ZNF44: variants seen among roughly 807,000 people sequenced by gnomAD.
ZNF44 encodes the protein zinc finger protein 44, also known as gonadotropin inducible transcription repressor-2.
ZNF44 carries 9 observed loss-of-function variants against 11.7 expected under a neutral mutation model. That is an observed-to-expected ratio of 0.77 (90% CI 0.46 to 1.35). The LOEUF is 1.35. Ranked by LOEUF, ZNF44 falls within the 40% of genes most tolerant of loss-of-function variation. The pLI is 0.00. For missense variants in ZNF44, 696 were observed against 743.1 expected, an observed-to-expected ratio of 0.94 and a Z score of 0.74; for synonymous variants, 224 against 242.7, an observed-to-expected ratio of 0.92 and a Z score of 0.72.
chr19:12,254,675 C>T (rs1917166140), intron 5 of ZNF44, among the ~76,000 whole-genome samples: 1 of 151,248 alleles, frequency 6.6e-6, no homozygotes, highest in South Asian at 2.1e-4. Context: ...GTGGAGGTTG[C>T]AGTGAGCCGC....
chr19:12,260,628 C>A lies in ZNF44; in HGVS notation c.1913-10260G>T, dbSNP rs541378756. The stretch of plus-strand genomic sequence containing the variant: ...AAAAACAAAAACAAAAACAAAAAAA[C>A]AAAACAAAAACACAGGTAGGTCCTT... On this transcript the variant is annotated intron_variant and NMD_transcript_variant, in intron 5 of 7. Coordinates refer to the ZNF44 transcript ENST00000393337. 426 of 618,020 alleles carry A rather than the reference C, an allele frequency of 6.9e-4. 1 individual carries two copies. Among genetic ancestry groups the A allele is most frequent in the Non-Finnish European group, 1.0e-3 (360 of 344,538 alleles). The allele number at this position is 618,020 out of a possible 1,614,324, so 38.3% of individuals were successfully genotyped here.
intron 1 of ZNF44, among the ~76,000 whole-genome samples, chr19:12,283,330 A>T (rs764797867): frequency 7.9e-5 from 12 of 151,836 alleles, no homozygotes; most frequent in East Asian, 1.9e-4. Flanking sequence ...AATTACAGAA[A>T]TTTTTTTTTC....
At chr19:12,244,924 T>C (rs1030767624), downstream of ZNF44, among the ~76,000 whole-genome samples, 4 of 152,228 alleles carry the variant, frequency 2.6e-5, no homozygotes, top group African/African-American at 9.6e-5. Flanking sequence ...CACCCTCTTA[T>C]GGATAACCCT....
chr19:12,239,810 T>C (rs997199996), upstream of ZNF44, among the ~76,000 whole-genome samples: 2 of 151,858 alleles, frequency 1.3e-5, no homozygotes, highest in African/African-American at 4.8e-5. Context: ...CCTGACCTCG[T>C]GCTCCACCCG....
chr19:12,275,594 C>G (rs183742138), intron 2 of ZNF44, among the ~76,000 whole-genome samples: 1,603 of 151,966 alleles, frequency 0.011, 21 homozygotes, highest in South Asian at 0.023. Context: ...TGTAGTGAGC[C>G]AAGATGGAGC....
chr19:12,290,723 T>TAAAA (rs772416250), intron 1 of ZNF44, among the ~76,000 whole-genome samples: 1 of 145,438 alleles, frequency 6.9e-6, no homozygotes, highest in South Asian at 2.2e-4. Flanking sequence ...AATAAATAAA[T>TAAAA]AAAAATAAAA....
rs764588639 is a variant in ZNF44, at chr19:12,272,576, T to C, written c.1679A>G (p.Tyr560Cys). ...GGCTTTACCACAGTGTTTACATTCA[T>C]AGGGTCTTTCTCCAGTGTGAGTCCT... ...HERTHTGERP[Y>C]ECKHCGKAFS... The change falls in exon 4 of 4, where the codon TAT (tyrosine) becomes TGT (cysteine). Residue 560 changes from tyrosine (Y) to cysteine (C), a missense_variant. By Grantham distance (194) the Tyr-to-Cys change is radical. Transcript: ENST00000355684. 2 of 1,613,482 alleles carry C rather than the reference T, an allele frequency of 1.2e-6. No homozygotes were observed. Among genetic ancestry groups the C allele is most frequent in the Non-Finnish European group, 1.7e-6 (2 of 1,179,782 alleles).
chr19:12,231,846 G>A (rs1312406928), intron 2 of ZNF44, among the ~76,000 whole-genome samples: 1 of 152,214 alleles, frequency 6.6e-6, no homozygotes, highest in African/African-American at 2.4e-5. Flanking sequence ...GAAGGGGTGG[G>A]TTGCCCCTCC....
At chr19:12,283,752 C>A (rs1017036332) in intron 1 of ZNF44, among the ~76,000 whole-genome samples, 1 of 152,186 alleles carries the variant, frequency 6.6e-6, no homozygotes, top group Non-Finnish European at 1.5e-5. Context: ...TAGTGACTCA[C>A]ATCTATAATC....
chr19:12,261,585 C>T (rs1568434723), intron 5 of ZNF44, among the ~76,000 whole-genome samples: 1 of 152,146 alleles, frequency 6.6e-6, no homozygotes, highest in Non-Finnish European at 1.5e-5. Context: ...GCTATGATTG[C>T]ACTACTGCAC....
At chr19:12,257,373 G>T (rs577403121) in intron 5 of ZNF44, among the ~76,000 whole-genome samples, 2 of 152,242 alleles carry the variant, frequency 1.3e-5, no homozygotes, top group Non-Finnish European at 2.9e-5. Flanking sequence ...AATTAGGCTG[G>T]GTGCGGTGGC....
intron 2 of ZNF44, among the ~76,000 whole-genome samples, chr19:12,231,744 C>T (rs1916172654): frequency 6.6e-6 from 1 of 152,184 alleles, no homozygotes; most frequent in African/African-American, 2.4e-5. Context: ...AAACGCTGAT[C>T]TCAGATAGTA....
At chr19:12,283,098 G>C (rs1417609398) in intron 1 of ZNF44, among the ~76,000 whole-genome samples, 1 of 152,058 alleles carries the variant, frequency 6.6e-6, no homozygotes, top group Non-Finnish European at 1.5e-5. Context: ...CCTCAAATTT[G>C]GCTTACAATA....
intron 5 of ZNF44, among the ~76,000 whole-genome samples, chr19:12,258,459 T>C (rs931637067): frequency 5.9e-5 from 9 of 151,780 alleles, no homozygotes; most frequent in African/African-American, 2.2e-4. Context: ...CATTGAGTCA[T>C]ATTAACTAAT....
downstream of ZNF44, among the ~76,000 whole-genome samples, chr19:12,271,586 C>T (rs1250294158): frequency 2.0e-5 from 3 of 152,140 alleles, no homozygotes; most frequent in Admixed American, 1.3e-4. Flanking sequence ...TCATAACCAT[C>T]GTAATACTTG....
intron 1 of ZNF44, among the ~76,000 whole-genome samples, chr19:12,292,864 T>G (rs374836117): frequency 1.6e-5 from 2 of 122,420 alleles, no homozygotes; most frequent in African/African-American, 3.7e-5. Flanking sequence ...GGTTTTTTTT[T>G]TTTTTTTTTT....
intron 2 of ZNF44, among the ~76,000 whole-genome samples, chr19:12,232,253 GT>G (rs1467910785): frequency 3.3e-5 from 5 of 152,214 alleles, no homozygotes; most frequent in Non-Finnish European, 7.4e-5. Context: ...GTACAATCGG[GT>G]TTTATACCGA....
Position 12,275,050 on chromosome 19 carries a change from G to A in ZNF44, c.131-17C>T. ...ATTTCATTCCTAAAAGAGAGATCCA[G>A]AAAATTCACTATAAATTATTACAAA... On this transcript the variant is annotated splice_polypyrimidine_tract_variant and intron_variant, in intron 2 of 3. Coordinates refer to ENST00000355684, the MANE Select transcript of ZNF44 (RefSeq NM_016264.4). 6.4e-7 allele frequency: 1 copy of A among 1,551,900 alleles called. No individual in the cohort carries two copies. The highest frequency in any genetic ancestry group is 8.7e-7 in the Non-Finnish European group (1 of 1,148,146).
At chr19:12,236,308 T>C (rs1916387017) in intron 1 of ZNF44, among the ~76,000 whole-genome samples, 1 of 152,068 alleles carries the variant, frequency 6.6e-6, no homozygotes, top group African/African-American at 2.4e-5. Context: ...TGGGGAGTGT[T>C]AAAAGAAATA....
Sources: allele counts gnomAD v4.1 joint callset (sites outside exome capture counted in the v4.1 genomes callset), GRCh38; gene constraint gnomAD v4.1.1; transcripts MANE v1.5; gene names NCBI Gene and HGNC (gene_info 2026-07-23, HGNC 2026-07-21).